Variants in LINC00305 observed in about 807,000 individuals in gnomAD.
LINC00305 encodes the protein long intergenic non-protein coding RNA 305.
At chr18:64,130,921 C>A (rs1282304578) in intron 1 of LINC00305, among the ~76,000 whole-genome samples, 4 of 152,074 alleles carry the variant, frequency 2.6e-5, no homozygotes, top group Non-Finnish European at 5.9e-5. Context: ...ACCTTTCATA[C>A]CATCCTATGA....
At chr18:64,145,871 A>C (rs2051495343) in intron 1 of LINC00305, among the ~76,000 whole-genome samples, 2 of 152,238 alleles carry the variant, frequency 1.3e-5, no homozygotes, top group African/African-American at 4.8e-5. Context: ...TTAGGTTAGC[A>C]GTACCTATTG....
intron 3 of LINC00305, chr18:64,097,748 A>C: frequency 2.5e-6 from 1 of 403,160 alleles, no homozygotes. Flanking sequence ...AAGTCCTCAT[A>C]TTGAATACTA....
chr18:64,116,880 C>T (rs1376856281), intron 1 of LINC00305, among the ~76,000 whole-genome samples: 1 of 152,152 alleles, frequency 6.6e-6, no homozygotes, highest in Non-Finnish European at 1.5e-5. Flanking sequence ...GGAAATGAGT[C>T]CTGGGGTGGA....
chr18:64,080,079 A>C (rs2051178914), exon 4 of LINC00305: 2 of 173,150 alleles, frequency 1.2e-5, no homozygotes, highest in South Asian at 1.2e-4. Flanking sequence ...CAAAGAAGAC[A>C]AATAAATGGA....
At chr18:64,147,344 T>G (rs2144286996) in intron 1 of LINC00305, 1 of 152,290 alleles carries the variant, frequency 6.6e-6, no homozygotes, top group African/African-American at 2.4e-5. Context: ...ATGTTGAAGG[T>G]GGATGAAGTA....
At chr18:64,146,051 A>C (rs1219413431) in intron 1 of LINC00305, among the ~76,000 whole-genome samples, 1 of 151,644 alleles carries the variant, frequency 6.6e-6, no homozygotes, top group African/African-American at 2.4e-5. Context: ...AACAAACCAC[A>C]GGCTATCTTA....
At chr18:64,115,685 G>T (rs535561599) in intron 1 of LINC00305, among the ~76,000 whole-genome samples, 1 of 151,988 alleles carries the variant, frequency 6.6e-6, no homozygotes, top group African/African-American at 2.4e-5. Flanking sequence ...AACTTTAGAC[G>T]GTTCTTCAAG....
intron 1 of LINC00305, among the ~76,000 whole-genome samples, chr18:64,099,995 T>G (rs2051261822): frequency 6.6e-6 from 1 of 152,200 alleles, no homozygotes; most frequent in Admixed American, 6.5e-5. Context: ...AGTTACAGTT[T>G]GCAACTGAAT....
intron 1 of LINC00305, among the ~76,000 whole-genome samples, chr18:64,120,312 C>A (rs1175855348): frequency 6.6e-6 from 1 of 151,968 alleles, no homozygotes; most frequent in African/African-American, 2.4e-5. Context: ...TTCTAAATCT[C>A]AATAATAGTT....
chr18:64,112,810 C>T (rs1483886898), intron 1 of LINC00305, among the ~76,000 whole-genome samples: 1 of 152,110 alleles, frequency 6.6e-6, no homozygotes, highest in Non-Finnish European at 1.5e-5. Flanking sequence ...TTCATTTGGG[C>T]ACATTATTCC....
At chr18:64,098,913 G>A (rs2051257585) in intron 1 of LINC00305, among the ~76,000 whole-genome samples, 1 of 152,174 alleles carries the variant, frequency 6.6e-6, no homozygotes, top group Non-Finnish European at 1.5e-5. Context: ...AAGTGACAAG[G>A]AGCATTGAAG....
chr18:64,084,026 A>G (rs1214623973), intron 3 of LINC00305, among the ~76,000 whole-genome samples: 1 of 152,156 alleles, frequency 6.6e-6, no homozygotes, highest in Non-Finnish European at 1.5e-5. Flanking sequence ...CTGAAGCTCC[A>G]TGGTTTGCAT....
At chr18:64,103,468 C>T (rs1308893210) in intron 1 of LINC00305, among the ~76,000 whole-genome samples, 4 of 152,146 alleles carry the variant, frequency 2.6e-5, no homozygotes, top group East Asian at 1.9e-4. Context: ...GTTGTTTTCT[C>T]GTTGTCTTCA....
intron 1 of LINC00305, chr18:64,139,571 T>C (rs756064325): frequency 2.0e-5 from 3 of 152,138 alleles, no homozygotes; most frequent in Non-Finnish European, 2.9e-5. Context: ...AGTCTTCCCC[T>C]GGAAAAAAAC....
At chr18:64,117,634 A>G (rs191079645) in intron 1 of LINC00305, among the ~76,000 whole-genome samples, 2 of 152,294 alleles carry the variant, frequency 1.3e-5, no homozygotes, top group African/African-American at 4.8e-5. Context: ...TTTTCAATGA[A>G]GGCAGTAGAA....
chr18:64,144,681 A>AC (rs1052697334), intron 1 of LINC00305, among the ~76,000 whole-genome samples: 12 of 151,860 alleles, frequency 7.9e-5, no homozygotes, highest in Non-Finnish European at 1.2e-4. Context: ...GTGTAGGGAG[A>AC]CCCCCTGAAA....
intron 3 of LINC00305, among the ~76,000 whole-genome samples, chr18:64,096,577 T>C (rs887065177): frequency 3.3e-5 from 5 of 151,878 alleles, no homozygotes; most frequent in Admixed American, 3.3e-4. Context: ...TGTCGAGCGT[T>C]AACTATCAGG....
chr18:64,143,780 ATG>A (rs2051482737), intron 1 of LINC00305, among the ~76,000 whole-genome samples: 1 of 98,978 alleles, frequency 1.0e-5, no homozygotes, highest in African/African-American at 3.6e-5. Context: ...GCGTACATGT[ATG>A]TACACATATT....
chr18:64,131,015 A>T (rs746167696), intron 1 of LINC00305, among the ~76,000 whole-genome samples: 2 of 152,114 alleles, frequency 1.3e-5, no homozygotes, highest in South Asian at 2.1e-4. Flanking sequence ...ACTTGTGTTG[A>T]TGTTCACAGA....
Sources: gnomAD v4.1 joint callset for allele counts (sites outside exome capture counted in the v4.1 genomes callset) on GRCh38, gnomAD v4.1.1 for gene constraint, MANE v1.5 for transcripts, NCBI Gene and HGNC (gene_info 2026-07-23, HGNC 2026-07-21) for gene names.